Variants in PLCB1 observed in about 807,000 individuals in gnomAD.
PLCB1 encodes phospholipase C beta 1.
In PLCB1, 46 loss-of-function variants were observed where a neutral mutation model predicts 161.8. The observed-to-expected ratio is 0.28, with a 90% confidence interval of 0.22 to 0.36. The LOEUF (loss-of-function observed/expected upper bound fraction) is 0.36. PLCB1 is among the 10% of genes least tolerant of loss of function. The pLI is 1.00. For missense variants in PLCB1, 1,016 were observed against 1,472.5 expected, an observed-to-expected ratio of 0.69 and a Z score of 5.07; for synonymous variants, 517 against 503.7, an observed-to-expected ratio of 1.03 and a Z score of -0.35.
chr20:8,482,278 A>AT (rs1168752873), intron 3 of PLCB1, among the ~76,000 whole-genome samples: 1 of 151,656 alleles, frequency 6.6e-6, no homozygotes, highest in Non-Finnish European at 1.5e-5. Context: ...TAATTTTTGT[A>AT]TTTTTAGTAG....
intron 2 of PLCB1, among the ~76,000 whole-genome samples, chr20:8,190,022 C>A (rs1031786821): frequency 1.3e-5 from 2 of 152,038 alleles, no homozygotes; most frequent in African/African-American, 4.8e-5. Flanking sequence ...GAATTAATGG[C>A]AAACTTATGA....
chr20:8,700,764 A>G (rs1467572071), intron 11 of PLCB1, among the ~76,000 whole-genome samples: 1 of 151,162 alleles, frequency 6.6e-6, no homozygotes. Flanking sequence ...GGAGGTGACC[A>G]GGTTGGCTAA....
chr20:8,401,135 A>T lies in PLCB1; in HGVS notation c.246+29685A>T, dbSNP rs1978531231. Among the ~76,000 whole-genome samples the T allele has an allele frequency of 2.1e-5, 3 of 146,240 alleles. No homozygotes were observed. The Admixed American group carries it at 2.1e-4, about 10-fold the overall frequency. ...TATTACTTAAATTTGAATTTCTTCTACTGTGAGTGGAGAGGAAACTTTTCA... is the reference window on the plus strand; with the variant it reads ...TATTACTTAAATTTGAATTTCTTCTTCTGTGAGTGGAGAGGAAACTTTTCA... On this transcript the variant is annotated intron_variant, in intron 3 of 31. Transcript: ENST00000338037.
chr20:8,373,545 G>C (rs1986972155), intron 3 of PLCB1, among the ~76,000 whole-genome samples: 1 of 152,112 alleles, frequency 6.6e-6, no homozygotes, highest in Admixed American at 6.5e-5. Context: ...AGAAATGCTG[G>C]TACCATAAGA....
intron 18 of PLCB1, among the ~76,000 whole-genome samples, chr20:8,732,950 T>C (rs1194530675): frequency 6.7e-6 from 1 of 150,174 alleles, no homozygotes; most frequent in Non-Finnish European, 1.5e-5. Context: ...GAGACAGCTG[T>C]TATAATTAAG....
intron 2 of PLCB1, among the ~76,000 whole-genome samples, chr20:8,302,944 G>A (rs968080175): frequency 6.6e-6 from 1 of 152,138 alleles, no homozygotes; most frequent in African/African-American, 2.4e-5. Flanking sequence ...GATTGAAGAT[G>A]AAAATAGGCT....
At chr20:8,604,776 T>C (rs903197772) in intron 3 of PLCB1, among the ~76,000 whole-genome samples, 2 of 152,200 alleles carry the variant, frequency 1.3e-5, no homozygotes, top group African/African-American at 4.8e-5. Flanking sequence ...ATTGTATGAA[T>C]AGAATTTTAT....
chr20:8,324,035 A>G (rs1271854117), intron 2 of PLCB1, among the ~76,000 whole-genome samples: 1 of 152,146 alleles, frequency 6.6e-6, no homozygotes, highest in African/African-American at 2.4e-5. Flanking sequence ...ATCAAGAAAA[A>G]CATATGTACT....
intron 3 of PLCB1, among the ~76,000 whole-genome samples, chr20:8,509,735 TAGATAGATAGATA>T (rs1469759774): frequency 6.4e-5 from 1 of 15,676 alleles, no homozygotes; most frequent in Non-Finnish European, 1.4e-4. Context: ...AGATCATAGA[TAGATAGATAGATA>T]GATAGATAGA....
chr20:8,471,613 T>C (rs1982056264), intron 3 of PLCB1, among the ~76,000 whole-genome samples: 2 of 152,158 alleles, frequency 1.3e-5, no homozygotes, highest in Admixed American at 1.3e-4. Context: ...CTTGAGACAG[T>C]TTGTGATTCC....
intron 1 of PLCB1, among the ~76,000 whole-genome samples, chr20:8,140,553 C>T (rs915822469): frequency 3.3e-5 from 5 of 152,076 alleles, no homozygotes; most frequent in African/African-American, 4.8e-5. Context: ...CCCTGCTTAC[C>T]CCTGTTCAGT....
chr20:8,492,848 A>ATG lies in PLCB1; in HGVS notation c.246+121423_246+121424dup, dbSNP rs10536329. Among the ~76,000 whole-genome samples, 829 of 145,124 alleles carry ATG rather than the reference A, an allele frequency of 5.7e-3. 8 individuals are homozygous for ATG. The highest frequency in any genetic ancestry group is 0.015 in the South Asian group (66 of 4,478). ...AAAGCAAACTTTATTATATATATAT[A>ATG]TGTGTGTGTGTGTGTGTGTGTGTGT... is the stretch of plus-strand genomic sequence containing the variant. On this transcript the variant is annotated intron_variant, in intron 3 of 31. Transcript: ENST00000338037.
chr20:8,525,942 G>A (rs1167700053), intron 3 of PLCB1, among the ~76,000 whole-genome samples: 1 of 151,806 alleles, frequency 6.6e-6, no homozygotes, highest in Non-Finnish European at 1.5e-5. Context: ...TTTTTCCAAA[G>A]CATCAGCATA....
intron 3 of PLCB1, among the ~76,000 whole-genome samples, chr20:8,573,316 T>C (rs988437892): frequency 1.5e-4 from 23 of 152,094 alleles, no homozygotes; most frequent in African/African-American, 4.1e-4. Context: ...AGATAATGAA[T>C]GGTGAGAAAG....
intron 18 of PLCB1, chr20:8,729,952 G>A (rs1465630649): frequency 6.6e-6 from 1 of 151,950 alleles, no homozygotes; most frequent in South Asian, 2.1e-4. Flanking sequence ...ACAAAAATGT[G>A]TTATTTCACT....
At chr20:8,306,174 G>A (rs755770616) in intron 2 of PLCB1, among the ~76,000 whole-genome samples, 10 of 152,182 alleles carry the variant, frequency 6.6e-5, no homozygotes, top group Non-Finnish European at 1.3e-4. Context: ...TGCTTCACTG[G>A]GTTGCACTTT....
chr20:8,777,339 G>T (rs1206683313), intron 27 of PLCB1, among the ~76,000 whole-genome samples: 3 of 152,110 alleles, frequency 2.0e-5, no homozygotes, highest in African/African-American at 7.2e-5. Flanking sequence ...CAAAGTTCAG[G>T]CCAACAGCAG....
intron 2 of PLCB1, among the ~76,000 whole-genome samples, chr20:8,185,602 A>C (rs1236153228): frequency 1.3e-5 from 2 of 151,408 alleles, no homozygotes; most frequent in Non-Finnish European, 2.9e-5. Context: ...ATATATATAA[A>C]CACTTTATAT....
At chr20:8,224,596 A>T (rs981438298) in intron 2 of PLCB1, among the ~76,000 whole-genome samples, 4 of 152,032 alleles carry the variant, frequency 2.6e-5, no homozygotes, top group African/African-American at 9.7e-5. Context: ...TATCAGCTTT[A>T]AAAAAAATTT....
Sources: gnomAD v4.1 joint callset for allele counts (sites outside exome capture counted in the v4.1 genomes callset) on GRCh38, gnomAD v4.1.1 for gene constraint, MANE v1.5 for transcripts, NCBI Gene and HGNC (gene_info 2026-07-23, HGNC 2026-07-21) for gene names.